SPIDR: variants seen among roughly 807,000 people sequenced by gnomAD.
SPIDR encodes scaffold protein involved in DNA repair.
Under a neutral mutation model 104.6 loss-of-function variants are expected in SPIDR, and 93 were observed. That is an observed-to-expected ratio of 0.89 (90% CI 0.75 to 1.06). The LOEUF (loss-of-function observed/expected upper bound fraction) is 1.06, where lower values mean the gene tolerates loss of function less well. Among genes scored for constraint, SPIDR ranks in the 50% least tolerant of loss-of-function variants. The pLI is 0.00. For synonymous variants in SPIDR, 431 were observed against 416.9 expected (o/e 1.03, Z -0.41); for missense variants, 1,154 against 1,111.2 (o/e 1.04, Z -0.55).
At chr8:47,565,483 A>G (rs1174881849) in intron 8 of SPIDR, among the ~76,000 whole-genome samples, 1 of 152,170 alleles carries the variant, frequency 6.6e-6, no homozygotes, top group African/African-American at 2.4e-5. Flanking sequence ...AATAAGTTTA[A>G]ATATTACCAT....
At chr8:47,410,448 TG>T (rs2063352445) in intron 7 of SPIDR, among the ~76,000 whole-genome samples, 1 of 152,120 alleles carries the variant, frequency 6.6e-6, no homozygotes, top group Non-Finnish European at 1.5e-5. Flanking sequence ...CCCAAAGTGC[TG>T]GGATTACAGG....
chr8:47,490,927 TG>T (rs2078597545), intron 8 of SPIDR, among the ~76,000 whole-genome samples: 1 of 152,224 alleles, frequency 6.6e-6, no homozygotes, highest in African/African-American at 2.4e-5. Flanking sequence ...CACACCAATG[TG>T]GCACATGTAT....
At chr8:47,262,465 G>C (rs552279965) in intron 1 of SPIDR, among the ~76,000 whole-genome samples, 1 of 152,294 alleles carries the variant, frequency 6.6e-6, no homozygotes, top group East Asian at 1.9e-4. Context: ...CAACTAAGTG[G>C]TTGTAGTTCA....
intron 8 of SPIDR, among the ~76,000 whole-genome samples, chr8:47,512,982 CTGTAA>C (rs1220859540): frequency 6.6e-6 from 1 of 152,172 alleles, no homozygotes; most frequent in Non-Finnish European, 1.5e-5. Context: ...AGCTTTCTGA[CTGTAA>C]AAGCAAGGAC....
chr8:47,454,511 G>C (rs1585985275), intron 8 of SPIDR, among the ~76,000 whole-genome samples: 1 of 152,010 alleles, frequency 6.6e-6, no homozygotes, highest in African/African-American at 2.4e-5. Flanking sequence ...GGAAGGGATA[G>C]GATTAGGAGA....
At chr8:47,290,465 A>G (rs1019097200) in intron 3 of SPIDR, among the ~76,000 whole-genome samples, 5 of 152,172 alleles carry the variant, frequency 3.3e-5, no homozygotes, top group African/African-American at 7.2e-5. Context: ...GTTTTGCAAG[A>G]TATTACCATT....
chr8:47,486,111 A>G (rs1216740549), intron 8 of SPIDR, among the ~76,000 whole-genome samples: 2 of 152,232 alleles, frequency 1.3e-5, no homozygotes, highest in Non-Finnish European at 2.9e-5. Context: ...TTGAAAAAAG[A>G]TTAGACGAAT....
At chr8:47,713,165 G>T (rs978933362) in intron 15 of SPIDR, 6 of 698,762 alleles carry the variant, frequency 8.6e-6, no homozygotes, top group Admixed American at 3.2e-5. Context: ...TTATAAATGC[G>T]TATACTTAGA....
At chr8:47,394,137 C>CTG (rs1160060716) in intron 5 of SPIDR, among the ~76,000 whole-genome samples, 1 of 152,186 alleles carries the variant, frequency 6.6e-6, no homozygotes, top group Admixed American at 6.5e-5. Flanking sequence ...AAACTCCTGG[C>CTG]CTCAAGTGAT....
intron 5 of SPIDR, among the ~76,000 whole-genome samples, chr8:47,377,266 G>A (rs1314200147): frequency 1.3e-5 from 2 of 152,204 alleles, no homozygotes; most frequent in Non-Finnish European, 2.9e-5. Context: ...TGAAATGATA[G>A]GAAATGTGAT....
At chr8:47,679,695 A>G (rs543583661) in intron 11 of SPIDR, among the ~76,000 whole-genome samples, 29 of 152,332 alleles carry the variant, frequency 1.9e-4, no homozygotes, top group Non-Finnish European at 2.8e-4. Context: ...TAATGGACCT[A>G]TGATGGCTTC....
intron 8 of SPIDR, among the ~76,000 whole-genome samples, chr8:47,579,119 G>A (rs1027842388): frequency 4.6e-5 from 7 of 152,152 alleles, no homozygotes; most frequent in African/African-American, 1.7e-4. Context: ...CTGGGAAGGT[G>A]GGCAGAATAT....
At chr8:47,383,030 G>C (rs370011637) in intron 5 of SPIDR, among the ~76,000 whole-genome samples, 13 of 152,140 alleles carry the variant, frequency 8.5e-5, no homozygotes, top group East Asian at 7.7e-4. Flanking sequence ...GGCTGTCTGT[G>C]GTGAGGCAAA....
intron 6 of SPIDR, among the ~76,000 whole-genome samples, chr8:47,398,429 T>C (rs1225664194): frequency 4.6e-5 from 7 of 151,728 alleles, no homozygotes; most frequent in Admixed American, 1.3e-4. Flanking sequence ...GAGAGAAATT[T>C]TATGGAGAAA....
At position 47,474,294 on chromosome 8, in the gene SPIDR, T is replaced by G. The variant is rs1586325294; in HGVS notation, c.1097+33752T>G. Among the ~76,000 whole-genome samples, 5 of 152,364 alleles carry G rather than the reference T, an allele frequency of 3.3e-5. No individual in the cohort carries two copies. The East Asian group carries it at 7.7e-4, about 23-fold the overall frequency. On this transcript the variant is annotated intron_variant, in intron 8 of 19. Coordinates refer to ENST00000297423, the MANE Select transcript of SPIDR (RefSeq NM_001080394.4). ...TTTAATTCTGTGTCGAATACCCATG[T>G]GTATTCTGAAAATTCAGAAGTAGTA... is the stretch of plus-strand genomic sequence containing the variant.
intron 3 of SPIDR, 150 bp downstream of exon 3, chr8:47,284,244 A>G: frequency 5.0e-6 from 3 of 595,038 alleles, no homozygotes; most frequent in Non-Finnish European, 8.5e-6. Flanking sequence ...GTAAAAAGAT[A>G]TTTTTGAGAA....
chr8:47,731,381 G>A (rs889925544), intron 19 of SPIDR, among the ~76,000 whole-genome samples: 7 of 152,252 alleles, frequency 4.6e-5, no homozygotes, highest in South Asian at 4.1e-4. Context: ...CTGATGCTGA[G>A]GCCGGGCTGT....
At chr8:47,642,609 A>G (rs960892513) in intron 10 of SPIDR, among the ~76,000 whole-genome samples, 1 of 152,234 alleles carries the variant, frequency 6.6e-6, no homozygotes, top group Middle Eastern at 3.4e-3. Flanking sequence ...AGGAAACTTT[A>G]GGGAAGGTTG....
In SPIDR at chr8:47,347,369, A is replaced by G. The variant is rs71527664; in HGVS notation, c.526-49007A>G. ...GCTGCGGAGTGCTTTACTTCCGACT[A>G]TGTGGTGAATTTTGGAATAAGTGTG... is the stretch of plus-strand genomic sequence containing the variant. On this transcript the variant is annotated intron_variant, in intron 5 of 19. Transcript: ENST00000297423. Among the ~76,000 whole-genome samples, 462 of 152,300 alleles carry G rather than the reference A, an allele frequency of 3.0e-3. 2 individuals are homozygous for G. Among genetic ancestry groups the G allele is most frequent in the South Asian group, 0.015 (74 of 4,826 alleles).
Sources: gnomAD v4.1 joint callset for allele counts (sites outside exome capture counted in the v4.1 genomes callset) on GRCh38, gnomAD v4.1.1 for gene constraint, MANE v1.5 for transcripts, NCBI Gene and HGNC (gene_info 2026-07-23, HGNC 2026-07-21) for gene names.